Variants in ADAMTSL3 observed in about 807,000 individuals in gnomAD.
ADAMTSL3 encodes the protein ADAMTS like 3.
In ADAMTSL3, 128 loss-of-function variants were observed where a neutral mutation model predicts 201.7. The observed-to-expected ratio is 0.63, with a 90% CI of 0.55 to 0.73. The LOEUF is 0.73. Among genes scored for constraint, ADAMTSL3 ranks in the 30% least tolerant of loss-of-function variants. ADAMTSL3 has a pLI of 0.00. For synonymous variants in ADAMTSL3, 738 were observed against 748.4 expected, an observed-to-expected ratio of 0.99 and a Z score of 0.23; for missense variants, 1,990 against 2,119.6, an observed-to-expected ratio of 0.94 and a Z score of 1.20.
chr15:83,892,816 A>C lies in ADAMTSL3; in HGVS notation c.1395A>C (p.Ala465=). 1 of 1,614,102 alleles carries C rather than the reference A, an allele frequency of 6.2e-7. No homozygotes were observed. The highest frequency in any genetic ancestry group is 8.5e-7 in the Non-Finnish European group (1 of 1,180,006). ...LQVEEWKCMY[A]PKPKVMQTCN... is the part of the protein sequence containing the mutation. ...TGGAAGAATGGAAGTGCATGTACGC[A>C]CCCAAACCCAAGGTTATGCAAACTT... is the stretch of plus-strand genomic sequence containing the variant. Residue 465 remains alanine, a synonymous_variant, in exon 13 of 30, where the codon GCA becomes GCC. Transcript: ENST00000286744.
At chr15:83,951,577 C>T (rs944299747) in intron 19 of ADAMTSL3, among the ~76,000 whole-genome samples, 2 of 152,006 alleles carry the variant, frequency 1.3e-5, no homozygotes, top group Non-Finnish European at 2.9e-5. Flanking sequence ...CAGAACAGTT[C>T]GAGTAAGATT....
intron 15 of ADAMTSL3, among the ~76,000 whole-genome samples, chr15:83,911,124 T>A (rs189092295): frequency 2.0e-5 from 3 of 152,284 alleles, no homozygotes; most frequent in Admixed American, 2.0e-4. Context: ...GCTTAGAAAC[T>A]TTAAACCTTT....
chr15:83,736,882 C>G (rs937633772), intron 3 of ADAMTSL3, among the ~76,000 whole-genome samples: 1 of 152,122 alleles, frequency 6.6e-6, no homozygotes, highest in Non-Finnish European at 1.5e-5. Flanking sequence ...ACAGTTTTGT[C>G]AAACAAACGG....
Position 83,991,097 on chromosome 15 carries a change from A to T in ADAMTSL3, c.3856A>T (p.Ile1286Phe). ...SSVLYAEAPV[I>F]LSVERNITKP... Reference sequence around the variant, plus strand: ...CCCTTTGAATTAAGAGGCACCTGTCATCTTGTCTGTTGAAAGAAATATCAC... The same window carrying T: ...CCCTTTGAATTAAGAGGCACCTGTCTTCTTGTCTGTTGAAAGAAATATCAC... The change falls in exon 23 of 30, where the codon ATC (isoleucine) becomes TTC (phenylalanine). Residue 1286 changes from isoleucine (I) to phenylalanine (F), a missense_variant. Transcript: ENST00000286744. 1.2e-6 allele frequency: 2 copies of T among 1,614,228 alleles called. No homozygotes were observed. The highest frequency in any genetic ancestry group is 1.7e-6 in the Non-Finnish European group (2 of 1,180,034).
intron 19 of ADAMTSL3, among the ~76,000 whole-genome samples, chr15:83,947,135 C>T (rs1228695322): frequency 2.0e-5 from 3 of 152,188 alleles, no homozygotes; most frequent in Non-Finnish European, 4.4e-5. Flanking sequence ...CAAATTGCCA[C>T]CCTTCTTAAA....
chr15:83,770,743 ATATTC>A (rs371527672), intron 3 of ADAMTSL3, among the ~76,000 whole-genome samples: 1 of 152,124 alleles, frequency 6.6e-6, no homozygotes, highest in African/African-American at 2.4e-5. Flanking sequence ...TTATTTTGGT[ATATTC>A]TATGAAGAAG....
intron 6 of ADAMTSL3, among the ~76,000 whole-genome samples, chr15:83,835,727 A>G (rs12443111): frequency 0.35 from 52,554 of 152,134 alleles, 10,173 homozygotes; most frequent in East Asian, 0.57. Context: ...AATCTTGACC[A>G]TGCAAGTGTG....
intron 23 of ADAMTSL3, among the ~76,000 whole-genome samples, chr15:83,997,497 G>C (rs2067709472): frequency 2.0e-5 from 3 of 152,162 alleles, no homozygotes. Flanking sequence ...GCTGAGGCAG[G>C]AGAATCGCTT....
chr15:83,965,349 CA>C (rs143907808), intron 19 of ADAMTSL3, among the ~76,000 whole-genome samples: 27,567 of 98,372 alleles, frequency 0.28, 2,723 homozygotes, highest in East Asian at 0.37. Flanking sequence ...AAATGGAAAG[CA>C]AAAAAAAAAA....
At chr15:83,693,771 A>T (rs2061643862) in intron 2 of ADAMTSL3, among the ~76,000 whole-genome samples, 1 of 152,146 alleles carries the variant, frequency 6.6e-6, no homozygotes, top group Non-Finnish European at 1.5e-5. Flanking sequence ...TCCTTGGGAA[A>T]AGTGATTCTT....
intron 17 of ADAMTSL3, among the ~76,000 whole-genome samples, chr15:83,938,155 AGATT>A (rs2066493719): frequency 6.6e-6 from 1 of 151,814 alleles, no homozygotes; most frequent in East Asian, 1.9e-4. Flanking sequence ...AAACTCAGAG[AGATT>A]GATTAATTAA....
chr15:83,731,167 T>G (rs28814055), intron 3 of ADAMTSL3, among the ~76,000 whole-genome samples: 22,926 of 152,060 alleles, frequency 0.15, 2,352 homozygotes, highest in African/African-American at 0.28. Context: ...ACTGTTTTGA[T>G]TACTGTATGT....
intron 4 of ADAMTSL3, 75 bp from the exon 5 acceptor site, chr15:83,804,573 CTT>C (rs59422343): frequency 0.054 from 33,903 of 627,512 alleles, no homozygotes; most frequent in South Asian, 0.07. Context: ...CTTGTATTTG[CTT>C]TTTTTTTTTT....
intron 8 of ADAMTSL3, among the ~76,000 whole-genome samples, chr15:83,866,825 G>T (rs774471121): frequency 2.0e-4 from 31 of 152,204 alleles, no homozygotes; most frequent in Middle Eastern, 3.4e-3. Flanking sequence ...ATATGTTCTG[G>T]CATATTCAAC....
intron 15 of ADAMTSL3, among the ~76,000 whole-genome samples, chr15:83,903,281 C>T (rs2065762797): frequency 7.1e-6 from 1 of 141,560 alleles, no homozygotes; most frequent in Non-Finnish European, 1.5e-5. Flanking sequence ...ATACACAACA[C>T]AAAACTTACC....
At chr15:83,715,941 T>G (rs567331625) in intron 3 of ADAMTSL3, among the ~76,000 whole-genome samples, 1 of 152,332 alleles carries the variant, frequency 6.6e-6, no homozygotes, top group East Asian at 1.9e-4. Flanking sequence ...TTCCAGGTAG[T>G]TTTCAGTGAA....
At chr15:83,929,013 G>A (rs1343328763) in intron 17 of ADAMTSL3, among the ~76,000 whole-genome samples, 3 of 152,128 alleles carry the variant, frequency 2.0e-5, no homozygotes, top group Non-Finnish European at 2.9e-5. Context: ...TACCTGAACT[G>A]TTTCACAAGT....
rs950445284 is a variant in ADAMTSL3 at position 83,705,898 on chromosome 15, A to G, written c.189+1390A>G. The stretch of plus-strand genomic sequence containing the variant: ...ACTCAAAATGTCAACATTCAATCAT[A>G]TTTTCAAGTTACTTTAAAAGTGAGT... On this transcript the variant is annotated intron_variant, in intron 3 of 29. Coordinates refer to ENST00000286744, the MANE Select transcript of ADAMTSL3 (RefSeq NM_207517.3). Among the ~76,000 whole-genome samples, 16 of 151,994 alleles carry G rather than the reference A, an allele frequency of 1.1e-4. 1 individual carries two copies. The highest frequency in any genetic ancestry group is 2.2e-4 in the Non-Finnish European group (15 of 68,010).
intron 3 of ADAMTSL3, among the ~76,000 whole-genome samples, chr15:83,765,457 A>G (rs1167133622): frequency 2.0e-5 from 3 of 152,198 alleles, no homozygotes; most frequent in Non-Finnish European, 4.4e-5. Context: ...ATTTCCAATA[A>G]GTGACCTTAT....
Sources: allele counts gnomAD v4.1 joint callset (sites outside exome capture counted in the v4.1 genomes callset), GRCh38; gene constraint gnomAD v4.1.1; transcripts MANE v1.5; gene names NCBI Gene and HGNC (gene_info 2026-07-23, HGNC 2026-07-21).